The following ADGRL2 variants were observed in gnomAD, a reference collection of about 807,000 sequenced individuals.
ADGRL2 encodes calcium-independent alpha-latrotoxin receptor 2.
ADGRL2 carries 44 observed loss-of-function variants against 157.4 expected under a neutral mutation model. That is an observed-to-expected ratio of 0.28 (90% CI 0.22 to 0.36). The LOEUF (loss-of-function observed/expected upper bound fraction) is 0.36. Ranked by LOEUF, ADGRL2 falls within the 10% of genes least tolerant of loss-of-function variation. ADGRL2 has a pLI of 1.00. For missense variants in ADGRL2, 1,510 were observed against 1,768.9 expected (o/e 0.85, Z 2.63); for synonymous variants, 585 against 624.7 (o/e 0.94, Z 0.95).
At chr1:81,793,080 A>C (rs1043907676) in intron 2 of ADGRL2, among the ~76,000 whole-genome samples, 4 of 152,028 alleles carry the variant, frequency 2.6e-5, no homozygotes, top group African/African-American at 9.7e-5. Flanking sequence ...CCCTGGGAAA[A>C]ATTTTAAGGA....
Position 81,629,667 on chromosome 1 carries a change from A to ATGTGTGTG in ADGRL2, c.-143+48711_-143+48718dup, listed in dbSNP as rs60497907. On this transcript the variant is annotated intron_variant, in intron 3 of 24. Coordinates refer to the ADGRL2 transcript ENST00000370721. ...TTGTTAAATGAATGAATGAATGTAT[A>ATGTGTGTG]TGTGTGTGTGTGTGTGTGTGTGTGT... 3.2e-3 allele frequency among the ~76,000 whole-genome samples: 476 copies of ATGTGTGTG among 149,274 alleles called. 2 individuals carry two copies. Among genetic ancestry groups the ATGTGTGTG allele is most frequent in the African/African-American group, 0.011 (453 of 40,380 alleles).
chr1:81,857,382 T>A (rs1240133828), intron 2 of ADGRL2, among the ~76,000 whole-genome samples: 1 of 152,200 alleles, frequency 6.6e-6, no homozygotes, highest in African/African-American at 2.4e-5. Context: ...CTTTAAAGGT[T>A]TATAAATGTA....
chr1:81,407,299 G>C (rs998327274), intron 1 of ADGRL2, among the ~76,000 whole-genome samples: 1 of 152,164 alleles, frequency 6.6e-6, no homozygotes, highest in African/African-American at 2.4e-5. Context: ...GGTCAGTGGG[G>C]GAACAAGCAA....
intron 2 of ADGRL2, among the ~76,000 whole-genome samples, chr1:81,856,097 A>C (rs1483906701): frequency 6.6e-6 from 1 of 152,136 alleles, no homozygotes; most frequent in Non-Finnish European, 1.5e-5. Flanking sequence ...GAAACTGGTC[A>C]TATATAGCAC....
chr1:81,758,694 G>C (rs1280274917), intron 1 of ADGRL2, among the ~76,000 whole-genome samples: 1 of 152,188 alleles, frequency 6.6e-6, no homozygotes, highest in Non-Finnish European at 1.5e-5. Flanking sequence ...GGAAAATAAA[G>C]AGTTCATATG....
At chr1:81,752,272 G>T (rs1249876013) in intron 1 of ADGRL2, among the ~76,000 whole-genome samples, 2 of 152,158 alleles carry the variant, frequency 1.3e-5, no homozygotes, top group South Asian at 2.1e-4. Flanking sequence ...ATTGATCTTG[G>T]ACTTCCCTGC....
chr1:81,782,148 C>T (rs2086839989), intron 2 of ADGRL2, among the ~76,000 whole-genome samples: 1 of 152,178 alleles, frequency 6.6e-6, no homozygotes, highest in African/African-American at 2.4e-5. Context: ...CATAAACTAC[C>T]AGCAAGCCCT....
chr1:81,858,126 C>G (rs2093269052), intron 2 of ADGRL2, among the ~76,000 whole-genome samples: 1 of 152,124 alleles, frequency 6.6e-6, no homozygotes, highest in African/African-American at 2.4e-5. Context: ...TATATAATCT[C>G]TAACACTCTG....
rs187746198 is a variant in ADGRL2 at position 81,831,219 on chromosome 1, A to T, written c.-100-5666A>T. ...GTATTTATTCTTTGGACTTACTATG[A>T]ACAACTTCTCTAGTAGTTTGGTTGA... is the stretch of plus-strand genomic sequence containing the variant. On this transcript the variant is annotated intron_variant, in intron 1 of 23. Coordinates refer to ENST00000686636, the MANE Select transcript of ADGRL2 (RefSeq NM_001366006.2). 3.0e-3 allele frequency among the ~76,000 whole-genome samples: 455 copies of T among 152,354 alleles called. 1 individual carries two copies. The highest frequency in any genetic ancestry group is 4.4e-3 in the Non-Finnish European group (301 of 68,024).
intron 1 of ADGRL2, among the ~76,000 whole-genome samples, chr1:81,802,323 G>T (rs897504494): frequency 6.6e-6 from 1 of 152,038 alleles, no homozygotes; most frequent in Non-Finnish European, 1.5e-5. Flanking sequence ...TGCTGGAGGC[G>T]CAGGGAGCCG....
At chr1:81,935,405 A>G (rs986037393) in intron 3 of ADGRL2, among the ~76,000 whole-genome samples, 1 of 151,976 alleles carries the variant, frequency 6.6e-6, no homozygotes, top group Non-Finnish European at 1.5e-5. Flanking sequence ...ACTTTGAATT[A>G]TAAAATTTAC....
chr1:81,714,547 A>G (rs903760809), intron 1 of ADGRL2, among the ~76,000 whole-genome samples: 2 of 152,190 alleles, frequency 1.3e-5, no homozygotes, highest in African/African-American at 4.8e-5. Context: ...AGAGTAAAAA[A>G]CATGCATCAT....
chr1:81,984,485 C>T (rs1662573178), intron 19 of ADGRL2, 98 bp from the exon 20 acceptor site: 2 of 1,256,086 alleles, frequency 1.6e-6, no homozygotes, highest in Non-Finnish European at 2.1e-6. Flanking sequence ...TTTAGTGGAA[C>T]TTTAATTCTT....
chr1:81,548,566 C>T (rs2080074280), intron 2 of ADGRL2, among the ~76,000 whole-genome samples: 1 of 151,966 alleles, frequency 6.6e-6, no homozygotes. Flanking sequence ...GGTTGACTTG[C>T]CATTTTTAAG....
At chr1:81,527,301 C>A (rs1410255827) in intron 2 of ADGRL2, among the ~76,000 whole-genome samples, 1 of 152,118 alleles carries the variant, frequency 6.6e-6, no homozygotes, top group African/African-American at 2.4e-5. Context: ...TTTAACCCCC[C>A]AAAATTCATA....
At chr1:81,775,673 C>A (rs2086554357) in intron 2 of ADGRL2, among the ~76,000 whole-genome samples, 1 of 151,878 alleles carries the variant, frequency 6.6e-6, no homozygotes, top group African/African-American at 2.4e-5. Flanking sequence ...GCCCAAATGA[C>A]ACTTCCTGGA....
At chr1:81,805,819 T>C (rs992568327) in intron 1 of ADGRL2, among the ~76,000 whole-genome samples, 1 of 151,966 alleles carries the variant, frequency 6.6e-6, no homozygotes, top group Non-Finnish European at 1.5e-5. Context: ...CAGAGTGTTA[T>C]AAAGAAAACA....
At chr1:81,762,599 A>T (rs566012255) in intron 2 of ADGRL2, among the ~76,000 whole-genome samples, 1 of 152,248 alleles carries the variant, frequency 6.6e-6, no homozygotes, top group African/African-American at 2.4e-5. Context: ...CCCTATAAAA[A>T]GAAGGAATTT....
intron 3 of ADGRL2, among the ~76,000 whole-genome samples, chr1:81,617,745 GT>G (rs34241002): frequency 6.6e-6 from 1 of 152,150 alleles, no homozygotes; most frequent in Non-Finnish European, 1.5e-5. Flanking sequence ...TTTAAATGGC[GT>G]TTTTCCATTG....
Sources: allele counts gnomAD v4.1 joint callset (sites outside exome capture counted in the v4.1 genomes callset), GRCh38; gene constraint gnomAD v4.1.1; transcripts MANE v1.5; gene names NCBI Gene and HGNC (gene_info 2026-07-23, HGNC 2026-07-21).